Variants in PCTP observed in about 807,000 individuals in gnomAD.
PCTP encodes the protein START domain-containing protein 2.
In PCTP, 27 loss-of-function variants were observed where a neutral mutation model predicts 31.0. That is an observed-to-expected ratio of 0.87 (90% CI 0.64 to 1.20). The LOEUF is 1.20. PCTP is among the 50% of genes most tolerant of loss of function. The pLI is 0.00. For synonymous variants in PCTP, 108 were observed against 101.2 expected (o/e 1.07, Z -0.40); for missense variants, 287 against 268.2 (o/e 1.07, Z -0.49).
At chr17:55,795,102 A>G (rs1218328681) in intron 3 of PCTP, among the ~76,000 whole-genome samples, 2 of 151,994 alleles carry the variant, frequency 1.3e-5, no homozygotes, top group Non-Finnish European at 2.9e-5. Flanking sequence ...CTTAAAATTG[A>G]ATGAACATGA....
chr17:55,771,256 G>A (rs751087894), intron 3 of PCTP, 71 bp downstream of exon 3: 8 of 1,196,224 alleles, frequency 6.7e-6, no homozygotes, highest in African/African-American at 1.5e-5. Flanking sequence ...GCAGTCTATT[G>A]CAGAGAGGTA....
At position 55,831,937 on chromosome 17, in the gene PCTP, G is replaced by A. The variant is rs989377723; in HGVS notation, n.505+9010G>A. 8.4e-4 allele frequency among the ~76,000 whole-genome samples: 128 copies of A among 152,202 alleles called. 1 individual carries two copies. Among genetic ancestry groups the A allele is most frequent in the African/African-American group, 3.0e-3 (123 of 41,530 alleles). On this transcript the variant is annotated intron_variant and non_coding_transcript_variant, in intron 5 of 5. Coordinates refer to the PCTP transcript ENST00000576221. ...TCCACTAACAAAAAATTAGCTGGGC[G>A]TGGTGGTGGGCACCTGTAGTCCCAG...
At position 55,777,314 on chromosome 17, in the gene PCTP, T is replaced by C. The variant is rs1911388574; in HGVS notation, c.*1214T>C. ...TATTAATGTGGGATACCTCAGACTGTTTGTTTTCTTTCTGGGAAGAAAAGT... is the reference window on the plus strand; with the variant it reads ...TATTAATGTGGGATACCTCAGACTGCTTGTTTTCTTTCTGGGAAGAAAAGT... On this transcript the variant is annotated 3_prime_UTR_variant, in exon 6 of 6. Coordinates refer to ENST00000268896, the MANE Select transcript of PCTP (RefSeq NM_021213.4). 2.0e-6 allele frequency: 2 copies of C among 984,584 alleles called. No homozygotes were observed. Among genetic ancestry groups the C allele is most frequent in the African/African-American group, 3.5e-5 (2 of 57,196 alleles). The allele number at this position is 984,584 out of a possible 1,614,324, so 61.0% of individuals were successfully genotyped here.
chr17:55,767,311 T>C, intron 1 of PCTP, 24 bp from the exon 2 acceptor site: 2 of 1,451,220 alleles, frequency 1.4e-6, no homozygotes, highest in East Asian at 2.3e-5. Context: ...CCAATAGACA[T>C]TTCTACCTGT....
intron 1 of PCTP, chr17:55,751,486 CG>C: frequency 6.5e-7 from 1 of 1,526,868 alleles, no homozygotes; most frequent in Non-Finnish European, 8.8e-7. Flanking sequence ...AGGTCAGGCC[CG>C]ACGGGGCATG....
At chr17:55,834,030 ATAATG>A (rs1297501804) in intron 5 of PCTP, among the ~76,000 whole-genome samples, 3 of 152,156 alleles carry the variant, frequency 2.0e-5, no homozygotes, top group Non-Finnish European at 4.4e-5. Flanking sequence ...GTGAATTAGA[ATAATG>A]AAAGAGGTGT....
At chr17:55,788,329 T>C (rs1911824671) in intron 3 of PCTP, among the ~76,000 whole-genome samples, 1 of 152,228 alleles carries the variant, frequency 6.6e-6, no homozygotes, top group Non-Finnish European at 1.5e-5. Context: ...TATTGATCTC[T>C]GGTGAATTGT....
At position 55,815,529 on chromosome 17, in the gene PCTP, G is replaced by T. The variant is rs192456359; in HGVS notation, c.318-7232G>T. 2.1e-3 allele frequency among the ~76,000 whole-genome samples: 319 copies of T among 152,196 alleles called. 1 individual carries two copies. Among genetic ancestry groups the T allele is most frequent in the African/African-American group, 7.2e-3 (300 of 41,526 alleles). On this transcript the variant is annotated intron_variant, in intron 3 of 3. Transcript: ENST00000572536. ...GGGCTAATTGTTGCTTATTTATTTC[G>T]TGGGCTGCTCTGATCCTAGATACCT...
At position 55,776,876 on chromosome 17, in the gene PCTP, T is replaced by C; in HGVS notation, c.*776T>C. On this transcript the variant is annotated 3_prime_UTR_variant, in exon 6 of 6. Transcript: ENST00000268896. ...AAGGCTGCCTGTACCTCTCAAGCTT[T>C]GCATTTTACTGGAAACTGAGGCGTC... The C allele has an allele frequency of 2.0e-6, 2 of 994,884 alleles. No homozygotes were observed. The highest frequency in any genetic ancestry group is 4.7e-5 in the South Asian group (1 of 21,360). 61.6% of individuals were successfully genotyped at this position (994,884 alleles called of 1,614,324 possible). A position where few individuals can be genotyped will look rare whatever the true frequency, so the allele number is the denominator to read the frequency against.
downstream of PCTP, among the ~76,000 whole-genome samples, chr17:55,825,451 A>G (rs1442199149): frequency 6.6e-6 from 1 of 152,240 alleles, no homozygotes; most frequent in Non-Finnish European, 1.5e-5. Flanking sequence ...GTGATGATTT[A>G]ACACCTGGCT....
At chr17:55,845,789 G>A (rs896902785), downstream of PCTP, among the ~76,000 whole-genome samples, 1 of 151,806 alleles carries the variant, frequency 6.6e-6, no homozygotes, top group African/African-American at 2.4e-5. Flanking sequence ...CACCAGCCCA[G>A]CAACACCCCC....
intron 3 of PCTP, among the ~76,000 whole-genome samples, chr17:55,797,071 C>T (rs1297839728): frequency 1.3e-5 from 2 of 151,928 alleles, no homozygotes; most frequent in African/African-American, 2.4e-5. Flanking sequence ...GATGACTTCA[C>T]ATTTCCAGAA....
chr17:55,837,228 T>C (rs1298793034), intron 5 of PCTP, among the ~76,000 whole-genome samples: 5 of 152,200 alleles, frequency 3.3e-5, no homozygotes, highest in Non-Finnish European at 7.3e-5. Flanking sequence ...TTAGACATAA[T>C]GCTGCAAGCA....
intron 3 of PCTP, among the ~76,000 whole-genome samples, chr17:55,806,709 C>G (rs1912592414): frequency 6.6e-6 from 1 of 152,132 alleles, no homozygotes; most frequent in Non-Finnish European, 1.5e-5. Flanking sequence ...TGGACAGGAA[C>G]ATGCTAATAC....
chr17:55,799,682 A>C (rs1054904257), intron 3 of PCTP, among the ~76,000 whole-genome samples: 2 of 152,064 alleles, frequency 1.3e-5, no homozygotes, highest in African/African-American at 4.8e-5. Flanking sequence ...TGGTCTTTAC[A>C]ATTTGGTATG....
chr17:55,777,321 T>C lies in PCTP; in HGVS notation c.*1221T>C, dbSNP rs1911388741. ...GTGGGATACCTCAGACTGTTTGTTTTCTTTCTGGGAAGAAAAGTGTGTTCT... is the reference window on the plus strand; with the variant it reads ...GTGGGATACCTCAGACTGTTTGTTTCCTTTCTGGGAAGAAAAGTGTGTTCT... On this transcript the variant is annotated 3_prime_UTR_variant, in exon 6 of 6. Coordinates refer to ENST00000268896, the MANE Select transcript of PCTP (RefSeq NM_021213.4). 1.0e-6 allele frequency: 1 copy of C among 985,078 alleles called. No individual in the cohort carries two copies. The highest frequency in any genetic ancestry group is 1.2e-6 in the Non-Finnish European group (1 of 829,240). The allele number at this position is 985,078 out of a possible 1,614,324, so 61.0% of individuals were successfully genotyped here. A position where few individuals can be genotyped will look rare whatever the true frequency, so the allele number is the denominator to read the frequency against.
intron 1 of PCTP, among the ~76,000 whole-genome samples, chr17:55,757,473 C>G (rs370101986): frequency 6.7e-6 from 1 of 148,254 alleles, no homozygotes; most frequent in Non-Finnish European, 1.5e-5. Context: ...CACACACACA[C>G]ACGTATGTAT....
intron 1 of PCTP, among the ~76,000 whole-genome samples, chr17:55,761,429 TG>T (rs1910334543): frequency 6.6e-6 from 1 of 151,346 alleles, no homozygotes; most frequent in South Asian, 2.1e-4. Flanking sequence ...GGTTTCTTCT[TG>T]GGATCAAGAT....
intron 1 of PCTP, among the ~76,000 whole-genome samples, chr17:55,757,702 A>G (rs993632426): frequency 1.3e-5 from 2 of 152,282 alleles, no homozygotes; most frequent in Middle Eastern, 3.4e-3. Context: ...ATTTCTAACC[A>G]GCTGCTGAAT....
Sources: allele counts gnomAD v4.1 joint callset (sites outside exome capture counted in the v4.1 genomes callset), GRCh38; gene constraint gnomAD v4.1.1; transcripts MANE v1.5; gene names NCBI Gene and HGNC (gene_info 2026-07-23, HGNC 2026-07-21).